The following GPR158 variants were observed in gnomAD, a reference collection of about 807,000 sequenced individuals.
The protein encoded by GPR158 is G protein-coupled receptor 158, also known as metabotropic glycine receptor.
A neutral mutation model predicts 78.2 loss-of-function variants in GPR158; 30 were observed. The observed-to-expected ratio is 0.38, with a 90% CI of 0.29 to 0.52. The LOEUF (loss-of-function observed/expected upper bound fraction) is 0.52, where lower values mean the gene tolerates loss of function less well. Ranked by LOEUF, GPR158 falls within the 20% of genes least tolerant of loss-of-function variation. The pLI is 0.83. For synonymous variants in GPR158, 581 were observed against 591.1 expected (o/e 0.98, Z 0.25); for missense variants, 1,463 against 1,523.5 (o/e 0.96, Z 0.66).
chr10:25,536,865 C>T (rs1239372261), intron 5 of GPR158, among the ~76,000 whole-genome samples: 1 of 152,196 alleles, frequency 6.6e-6, no homozygotes, highest in Non-Finnish European at 1.5e-5. Flanking sequence ...AGGGGCTTGT[C>T]AGAAATGCAT....
At chr10:25,188,256 C>T (rs1249574161) in intron 1 of GPR158, among the ~76,000 whole-genome samples, 2 of 152,186 alleles carry the variant, frequency 1.3e-5, no homozygotes, top group African/African-American at 2.4e-5. Context: ...CTCCCAATGA[C>T]TTTCTTCACA....
Position 25,396,009 on chromosome 10 carries a change from T to C in GPR158, c.1107T>C (p.Phe369=). 6.7e-7 allele frequency: 1 copy of C among 1,486,790 alleles called. No individual in the cohort carries two copies. The highest frequency in any genetic ancestry group is 9.4e-7 in the Non-Finnish European group (1 of 1,063,904). 92.1% of individuals were successfully genotyped at this position (1,486,790 alleles called of 1,614,324 possible). Residue 369 remains phenylalanine, a synonymous_variant, in exon 3 of 11, where the codon TTT becomes TTC. Transcript: ENST00000376351. ...YHPGVLPVNN[F]RRRGPDQHIS... ...CTGGAGTCTTACCAGTGAACAACTT[T>C]CGGAGTAAGTGCCCTTTGTTTCTAT... is the stretch of plus-strand genomic sequence containing the variant.
intron 2 of GPR158, among the ~76,000 whole-genome samples, chr10:25,343,355 A>G (rs569545261): frequency 8.4e-4 from 128 of 152,124 alleles, no homozygotes; most frequent in African/African-American, 2.9e-3. Flanking sequence ...CCCATTTAAA[A>G]CAGAATGTAA....
At chr10:25,299,323 T>C (rs1051891810) in intron 2 of GPR158, among the ~76,000 whole-genome samples, 4 of 152,200 alleles carry the variant, frequency 2.6e-5, no homozygotes, top group Non-Finnish European at 5.9e-5. Flanking sequence ...CATTGTAATG[T>C]ATCTTGGATC....
chr10:25,227,030 T>C (rs1853382761), intron 2 of GPR158, among the ~76,000 whole-genome samples: 1 of 152,216 alleles, frequency 6.6e-6, no homozygotes, highest in Admixed American at 6.5e-5. Context: ...TTCTAAAGCC[T>C]ATCTCATTTG....
At chr10:25,351,434 G>T (rs1055293135) in intron 2 of GPR158, among the ~76,000 whole-genome samples, 4 of 151,196 alleles carry the variant, frequency 2.6e-5, no homozygotes, top group Non-Finnish European at 5.9e-5. Flanking sequence ...TTGGGGGTGG[G>T]GGGGTGCTGG....
intron 2 of GPR158, among the ~76,000 whole-genome samples, chr10:25,271,992 T>C (rs996318533): frequency 3.3e-5 from 5 of 152,136 alleles, no homozygotes; most frequent in Admixed American, 6.5e-5. Flanking sequence ...CAGAAGTGCC[T>C]TTGATTGGTT....
intron 6 of GPR158, among the ~76,000 whole-genome samples, chr10:25,552,166 A>G (rs1836734275): frequency 6.6e-6 from 1 of 152,208 alleles, no homozygotes; most frequent in African/African-American, 2.4e-5. Flanking sequence ...GTTTCAGGAG[A>G]TCCTATTTAA....
chr10:25,176,667 C>CG lies in GPR158; in HGVS notation c.902+351dup, dbSNP rs897886449. 1.2e-4 allele frequency among the ~76,000 whole-genome samples: 19 copies of CG among 152,298 alleles called. No homozygotes were observed. Among genetic ancestry groups the CG allele is most frequent in the East Asian group, 3.9e-4 (2 of 5,170 alleles). ...GAGAGCAGGGAGGGGCGTTCCCCAC[C>CG]GGGGGGCGATGCGACAACTTGGCGA... On this transcript the variant is annotated intron_variant, in intron 1 of 10. Coordinates refer to ENST00000376351, the MANE Select transcript of GPR158 (RefSeq NM_020752.3). This position sits in a 1 kb window ranked among gnomAD's most constrained non-coding sequence, Gnocchi z 6.3.
intron 4 of GPR158, among the ~76,000 whole-genome samples, chr10:25,447,312 AAAC>A (rs1835150910): frequency 6.6e-6 from 1 of 152,244 alleles, no homozygotes; most frequent in South Asian, 2.1e-4. Flanking sequence ...CTTTTAAAAT[AAAC>A]TAAATGAATA....
chr10:25,241,409 C>CTTT lies in GPR158; in HGVS notation c.1008+20253_1008+20254insTTT, dbSNP rs1853626835. Among the ~76,000 whole-genome samples, 3 of 108,152 alleles carry CTTT rather than the reference C, an allele frequency of 2.8e-5. No homozygotes were observed. In the East Asian group the frequency reaches 6.9e-4, roughly 25 times the overall value. The allele number at this position is 108,152 out of a possible 152,430, so 71.0% of individuals were successfully genotyped here. A position where few individuals can be genotyped will look rare whatever the true frequency, so the allele number is the denominator to read the frequency against. On this transcript the variant is annotated intron_variant, in intron 2 of 10. Transcript: ENST00000376351. Reference sequence around the variant, plus strand: ...CTCTTCTCTTCTCTTCTCTTCTCTTCTCTTTTCTTTTCTTTTCTTTTCTTT... The same window carrying CTTT: ...CTCTTCTCTTCTCTTCTCTTCTCTTCTTTTCTTTTCTTTTCTTTTCTTTTCTTT...
At chr10:25,405,001 C>T (rs1298051417) in intron 3 of GPR158, among the ~76,000 whole-genome samples, 2 of 152,060 alleles carry the variant, frequency 1.3e-5, no homozygotes, top group Non-Finnish European at 2.9e-5. Flanking sequence ...ATTCTACCCC[C>T]GATTCTCTAT....
At chr10:25,586,585 T>A (rs540563951) in intron 7 of GPR158, among the ~76,000 whole-genome samples, 27 of 151,910 alleles carry the variant, frequency 1.8e-4, no homozygotes, top group African/African-American at 6.0e-4. Flanking sequence ...TAAATTTTTT[T>A]AATTTTTAGT....
intron 4 of GPR158, among the ~76,000 whole-genome samples, chr10:25,438,721 T>A (rs148776593): frequency 1.3e-5 from 2 of 152,194 alleles, no homozygotes; most frequent in African/African-American, 2.4e-5. Flanking sequence ...GGGAATAATA[T>A]GGTTTCAAGG....
chr10:25,207,065 G>C (rs933209179), intron 1 of GPR158, among the ~76,000 whole-genome samples: 1 of 151,982 alleles, frequency 6.6e-6, no homozygotes, highest in African/African-American at 2.4e-5. Context: ...GGAGAATTAT[G>C]AACTCAGAGA....
At chr10:25,438,383 A>ATG (rs1371598103) in intron 4 of GPR158, among the ~76,000 whole-genome samples, 2 of 152,236 alleles carry the variant, frequency 1.3e-5, no homozygotes, top group African/African-American at 4.8e-5. Flanking sequence ...ATCGGTAGTT[A>ATG]TGTTAACTGA....
intron 2 of GPR158, among the ~76,000 whole-genome samples, chr10:25,322,657 T>C (rs777569356): frequency 2.0e-5 from 3 of 152,228 alleles, no homozygotes; most frequent in Non-Finnish European, 4.4e-5. Context: ...GCTATAGCCA[T>C]ATGAAATGTA....
chr10:25,589,009 G>C lies in GPR158; in HGVS notation c.1756G>C (p.Glu586Gln). 1 of 1,545,406 alleles carries C rather than the reference G, an allele frequency of 6.5e-7. No homozygotes were observed. Among genetic ancestry groups the C allele is most frequent in the Non-Finnish European group, 8.8e-7 (1 of 1,135,018 alleles). Residue 586 changes from glutamate (E) to glutamine (Q), a missense_variant and splice_region_variant, in exon 8 of 11, where the codon GAA becomes CAA. Physicochemically the swap from Glu to Gln is conservative, Grantham distance 29. Coordinates refer to ENST00000376351, the MANE Select transcript of GPR158 (RefSeq NM_020752.3). ...DRWDYMTAVA[E>Q]FLFLLWGVYL... is the part of the protein sequence containing the mutation. ...AAAATGGTTTGTTATTTTCACAGCTGAATTTTTATTCCTCTTGTGGGGTGT... is the reference window on the plus strand; with the variant it reads ...AAAATGGTTTGTTATTTTCACAGCTCAATTTTTATTCCTCTTGTGGGGTGT...
At chr10:25,218,830 G>T (rs1301889171) in intron 1 of GPR158, among the ~76,000 whole-genome samples, 1 of 150,954 alleles carries the variant, frequency 6.6e-6, no homozygotes, top group Non-Finnish European at 1.5e-5. Flanking sequence ...CCCTTTATCT[G>T]CTGGAAGTTG....
Sources: allele counts gnomAD v4.1 joint callset (sites outside exome capture counted in the v4.1 genomes callset), GRCh38; gene constraint gnomAD v4.1.1; non-coding constraint Gnocchi (gnomAD v3.1); transcripts MANE v1.5; gene names NCBI Gene and HGNC (gene_info 2026-07-23, HGNC 2026-07-21).